WARS2: variants seen among roughly 807,000 people sequenced by gnomAD.
WARS2 encodes tryptophan--tRNA ligase, mitochondrial.
A neutral mutation model predicts 36.5 loss-of-function variants in WARS2; 28 were observed. The ratio of observed to expected loss-of-function variants is 0.77; its 90% confidence interval spans 0.57 to 1.05. The LOEUF is 1.05. WARS2 is among the 50% of genes least tolerant of loss of function. The probability of loss-of-function intolerance (pLI) is 0.00; values close to 1 mark genes in which losing one functional copy is unlikely to be tolerated. For synonymous variants in WARS2, 174 were observed against 178.4 expected (o/e 0.98, Z 0.20); for missense variants, 435 against 456.8 (o/e 0.95, Z 0.44).
At position 119,033,097 on chromosome 1, in the gene WARS2, A is replaced by C; in HGVS notation, c.897T>G (p.Thr299=). ...CTGCCACGGCCAGCTTGTAGCGAGC[A>C]GTGTTCATGCCCGCGCTGCGGCGCA... The part of the protein sequence containing the change: ...EVVRRSAGMN[T]ARYKLAVADA... The change falls in exon 6 of 6, where the codon ACT becomes ACG. Residue 299 remains threonine (T), a synonymous_variant. Transcript: ENST00000235521. 8.7e-6 allele frequency: 14 copies of C among 1,614,248 alleles called. No individual in the cohort carries two copies. The highest frequency in any genetic ancestry group is 1.2e-5 in the Non-Finnish European group (14 of 1,180,046).
chr1:119,088,091 G>A (rs1652801493), intron 1 of WARS2, among the ~76,000 whole-genome samples: 3 of 152,204 alleles, frequency 2.0e-5, no homozygotes, highest in Admixed American at 2.0e-4. Flanking sequence ...TAAAGTTTGA[G>A]CGAGGTTTTT....
chr1:119,137,143 T>G (rs1375043553), intron 1 of WARS2, among the ~76,000 whole-genome samples: 1 of 152,228 alleles, frequency 6.6e-6, no homozygotes, highest in Non-Finnish European at 1.5e-5. Flanking sequence ...AGTCTGTAGC[T>G]AAATTACTAT....
intron 1 of WARS2, chr1:119,085,032 T>A: frequency 1.5e-6 from 1 of 657,916 alleles, no homozygotes; most frequent in South Asian, 1.7e-5. Context: ...ATTCAAAGAC[T>A]CCTGCTCCCG....
rs113752727 is a variant in WARS2 at position 119,088,435 on chromosome 1, A to AACACACACACACACACACAC, written c.91-11848_91-11829dup. The stretch of plus-strand genomic sequence containing the variant: ...CTGCCAACCTGCTAGGAAACACTGA[A>AACACACACACACACACACAC]ACACACACACACACACACACACACA... On this transcript the variant is annotated intron_variant, in intron 1 of 5. Coordinates refer to ENST00000235521, the MANE Select transcript of WARS2 (RefSeq NM_015836.4). Among the ~76,000 whole-genome samples, 35 of 149,158 alleles carry AACACACACACACACACACAC rather than the reference A, an allele frequency of 2.3e-4. 1 individual carries two copies. The East Asian group carries it at 4.8e-3, about 20-fold the overall frequency.
At chr1:119,140,405 A>C (rs998603500) in intron 1 of WARS2, 150 bp downstream of exon 1, 2 of 599,840 alleles carry the variant, frequency 3.3e-6, no homozygotes, top group East Asian at 3.2e-5. Flanking sequence ...CGCTCTGAGC[A>C]GGCCGACAGT....
At chr1:119,107,691 G>C (rs1374249240) in intron 1 of WARS2, among the ~76,000 whole-genome samples, 2 of 123,188 alleles carry the variant, frequency 1.6e-5, no homozygotes, top group Non-Finnish European at 3.6e-5. Context: ...GAGAGAGAGA[G>C]AGAGAGATTA....
At chr1:119,131,741 G>A (rs760994828) in intron 1 of WARS2, among the ~76,000 whole-genome samples, 146 of 152,112 alleles carry the variant, frequency 9.6e-4, no homozygotes, top group Non-Finnish European at 1.8e-3. Flanking sequence ...GATTACAGGC[G>A]TGAGCCACAG....
chr1:119,037,127 TTC>T lies in WARS2; in HGVS notation c.516-2916_516-2915del, dbSNP rs1317787842. 4.6e-5 allele frequency among the ~76,000 whole-genome samples: 7 copies of T among 152,320 alleles called. No homozygotes were observed. In the East Asian group the frequency reaches 1.3e-3, roughly 29 times the overall value. On this transcript the variant is annotated intron_variant, in intron 4 of 5. Transcript: ENST00000235521. ...ATAATGATATCCCTTTTAATGTGTC[TTC>T]TCTTTTTTTCTGTTTTCCTTTTTTT... is the stretch of plus-strand genomic sequence containing the variant.
At chr1:119,089,296 T>G (rs1289908670) in intron 1 of WARS2, among the ~76,000 whole-genome samples, 1 of 152,194 alleles carries the variant, frequency 6.6e-6, no homozygotes, top group Non-Finnish European at 1.5e-5. Context: ...TAGACTGATA[T>G]AAGACTACAG....
intron 1 of WARS2, among the ~76,000 whole-genome samples, chr1:119,124,615 A>G (rs587677498): frequency 2.6e-5 from 4 of 152,282 alleles, no homozygotes; most frequent in African/African-American, 9.6e-5. Context: ...CCAAGCCACC[A>G]TCATCTCTTG....
rs1301397916 is a variant in WARS2 at position 119,119,654 on chromosome 1, A to C, written c.90+20901T>G. Among the ~76,000 whole-genome samples the C allele has an allele frequency of 2.0e-5, 3 of 152,266 alleles. No individual in the cohort carries two copies. The East Asian group carries it at 5.8e-4, about 29-fold the overall frequency. On this transcript the variant is annotated intron_variant, in intron 1 of 5. Coordinates refer to ENST00000235521, the MANE Select transcript of WARS2 (RefSeq NM_015836.4). Reference sequence around the variant, plus strand: ...AACATCCTCCAAGATAGACCATATGATAGACCACAAAACACATCTCAATAA... The same window carrying C: ...AACATCCTCCAAGATAGACCATATGCTAGACCACAAAACACATCTCAATAA...
At chr1:119,057,731 A>G in intron 2 of WARS2, among the ~76,000 whole-genome samples, 1 of 151,722 alleles carries the variant, frequency 6.6e-6, no homozygotes, top group Admixed American at 6.6e-5. Flanking sequence ...CAGAGGTTTC[A>G]GTGAGCCGAG....
chr1:119,050,093 T>G (rs1412534827), intron 2 of WARS2, among the ~76,000 whole-genome samples: 1 of 152,232 alleles, frequency 6.6e-6, no homozygotes, highest in African/African-American at 2.4e-5. Context: ...CCGTTTCAAC[T>G]CTGTAACCTC....
chr1:119,072,972 T>C (rs1571317825), intron 2 of WARS2, among the ~76,000 whole-genome samples: 1 of 151,866 alleles, frequency 6.6e-6, no homozygotes. Context: ...CTGGACAACG[T>C]TGTGAGACCC....
At chr1:119,108,390 A>G (rs1654389815) in intron 1 of WARS2, among the ~76,000 whole-genome samples, 1 of 151,914 alleles carries the variant, frequency 6.6e-6, no homozygotes, top group Non-Finnish European at 1.5e-5. Flanking sequence ...CAGATTGTCT[A>G]TTTCTTCTTC....
At chr1:119,131,255 T>C (rs1182798604) in intron 1 of WARS2, among the ~76,000 whole-genome samples, 5 of 152,128 alleles carry the variant, frequency 3.3e-5, no homozygotes, top group Non-Finnish European at 7.4e-5. Flanking sequence ...TATTTCTGTT[T>C]TGTTTTTAAA....
intron 1 of WARS2, among the ~76,000 whole-genome samples, chr1:119,100,582 A>C (rs1653783921): frequency 6.6e-6 from 1 of 152,218 alleles, no homozygotes; most frequent in African/African-American, 2.4e-5. Context: ...AAATGTGTAC[A>C]TATATACAAT....
At chr1:119,114,620 G>A (rs1571379165) in intron 1 of WARS2, among the ~76,000 whole-genome samples, 1 of 152,114 alleles carries the variant, frequency 6.6e-6, no homozygotes, top group African/African-American at 2.4e-5. Context: ...TAGGAGATTT[G>A]GGAGTTGTCC....
intron 1 of WARS2, among the ~76,000 whole-genome samples, chr1:119,117,725 A>C (rs1655064568): frequency 6.6e-6 from 1 of 152,178 alleles, no homozygotes; most frequent in Non-Finnish European, 1.5e-5. Flanking sequence ...AGGTGCTGGT[A>C]TCCACAGCTG....
Sources: allele counts gnomAD v4.1 joint callset (sites outside exome capture counted in the v4.1 genomes callset), GRCh38; gene constraint gnomAD v4.1.1; transcripts MANE v1.5; gene names NCBI Gene and HGNC (gene_info 2026-07-23, HGNC 2026-07-21).